Variants in SATB2 observed in about 807,000 individuals in gnomAD.
SATB2 encodes DNA-binding protein SATB2.
SATB2 carries 1 observed loss-of-function variant against 73.4 expected under a neutral mutation model. The observed-to-expected ratio is 0.01, with a 90% CI of 0.00 to 0.06. SATB2 has a LOEUF of 0.06. SATB2 is among the 10% of genes least tolerant of loss of function. The pLI, the probability that SATB2 is intolerant of heterozygous loss-of-function variation, is 1.00. For synonymous variants in SATB2, 397 were observed against 367.0 expected (o/e 1.08, Z -0.93); for missense variants, 459 against 945.8 (o/e 0.49, Z 6.75).
intron 6 of SATB2, among the ~76,000 whole-genome samples, chr2:199,358,608 C>T (rs1473510637): frequency 1.3e-5 from 2 of 152,150 alleles, no homozygotes; most frequent in African/African-American, 4.8e-5. Flanking sequence ...TCAGAGCCAA[C>T]TTGTTAACTC....
intron 6 of SATB2, among the ~76,000 whole-genome samples, chr2:199,353,356 C>T (rs1185721855): frequency 5.9e-5 from 9 of 151,844 alleles, no homozygotes; most frequent in African/African-American, 1.9e-4. Flanking sequence ...GGTTTCACCA[C>T]GTTGCCCAGG....
intron 10 of SATB2, among the ~76,000 whole-genome samples, chr2:199,282,033 C>T (rs541353944): frequency 2.0e-4 from 31 of 152,092 alleles, no homozygotes; most frequent in East Asian, 3.9e-4. Context: ...AGGTGCCCAC[C>T]GCCACACCCA....
chr2:199,316,105 T>C (rs1476918465), intron 9 of SATB2, among the ~76,000 whole-genome samples: 1 of 152,090 alleles, frequency 6.6e-6, no homozygotes, highest in African/African-American at 2.4e-5. Flanking sequence ...ACAGTTCGCT[T>C]TCTAAATGGA....
intron 8 of SATB2, among the ~76,000 whole-genome samples, chr2:199,326,477 A>G (rs1688031628): frequency 6.6e-6 from 1 of 152,096 alleles, no homozygotes; most frequent in African/African-American, 2.4e-5. Flanking sequence ...TCAGTCTGGC[A>G]CTGAAAGCTA....
At chr2:199,362,760 T>C (rs1689175783) in intron 6 of SATB2, among the ~76,000 whole-genome samples, 1 of 152,204 alleles carries the variant, frequency 6.6e-6, no homozygotes, top group Admixed American at 6.5e-5. Context: ...TATTATAAAG[T>C]AAGCATTTCA....
At chr2:199,420,557 G>A (rs1385276358) in intron 3 of SATB2, among the ~76,000 whole-genome samples, 2 of 152,104 alleles carry the variant, frequency 1.3e-5, no homozygotes, top group Admixed American at 6.5e-5. Flanking sequence ...CACCCCAAAT[G>A]TTTTAATCCC....
rs1307956489 is a variant in SATB2, at chr2:199,308,975, C to T, written c.1543-18G>A. The T allele has an allele frequency of 4.3e-6, 7 of 1,609,214 alleles. No homozygotes were observed. In the Admixed American group the frequency reaches 6.7e-5, roughly 15 times the overall value. The stretch of plus-strand genomic sequence containing the variant: ...AGCCAGCCCTGTAGAGAGAGGAGGT[C>T]GCTTGCATTAACCTGCAGAGTGTAG... On this transcript the variant is annotated intron_variant, in intron 9 of 10. Coordinates refer to ENST00000417098, the MANE Select transcript of SATB2 (RefSeq NM_001172509.2). The surrounding 1 kb of genome is among the most constrained non-coding windows in gnomAD (Gnocchi z 4.6).
At chr2:199,317,235 T>C (rs1687760473) in intron 9 of SATB2, among the ~76,000 whole-genome samples, 1 of 152,052 alleles carries the variant, frequency 6.6e-6, no homozygotes, top group South Asian at 2.1e-4. Context: ...CCCAGGCAGC[T>C]AGCTTGCCTT....
chr2:199,314,672 T>C (rs1240256972), intron 9 of SATB2, among the ~76,000 whole-genome samples: 3 of 152,106 alleles, frequency 2.0e-5, no homozygotes, highest in East Asian at 1.9e-4. Flanking sequence ...AGTGTCATCA[T>C]TGAGATTATG....
At position 199,277,173 on chromosome 2, in the gene SATB2, CACTGAGGTTT is replaced by C. The variant is rs548395726; in HGVS notation, c.1741-4511_1741-4502del. On this transcript the variant is annotated intron_variant, in intron 10 of 10. Coordinates refer to ENST00000417098, the MANE Select transcript of SATB2 (RefSeq NM_001172509.2). ...GACAGATCCCAGCATAATGGGTTTC[CACTGAGGTTT>C]ACTGAGTGGAAGCGGGTGGAAGATA... 1.1e-4 allele frequency among the ~76,000 whole-genome samples: 16 copies of C among 152,166 alleles called. No homozygotes were observed. The South Asian group carries it at 3.3e-3, about 32-fold the overall frequency.
chr2:199,395,668 T>G (rs1020163060), intron 3 of SATB2, among the ~76,000 whole-genome samples: 1 of 152,208 alleles, frequency 6.6e-6, no homozygotes, highest in Non-Finnish European at 1.5e-5. Flanking sequence ...ATCACATCTA[T>G]GTGACAGATA....
chr2:199,329,428 C>CAAAAAAA (rs5837677), intron 7 of SATB2: 1 of 126,048 alleles, frequency 7.9e-6, no homozygotes, highest in Non-Finnish European at 1.7e-5. Context: ...ATTTCTTATG[C>CAAAAAAA]AAAAAAAAAA....
chr2:199,412,458 G>A (rs901969622), intron 3 of SATB2, among the ~76,000 whole-genome samples: 7 of 152,178 alleles, frequency 4.6e-5, no homozygotes, highest in African/African-American at 1.7e-4. Flanking sequence ...CCCTTGGGCA[G>A]GGGAAGGAAC....
At chr2:199,338,151 G>A (rs1428331925) in intron 7 of SATB2, among the ~76,000 whole-genome samples, 1 of 151,810 alleles carries the variant, frequency 6.6e-6, no homozygotes, top group Admixed American at 6.6e-5. Context: ...ATCATTTGAG[G>A]TCAGGAGTTC....
intron 3 of SATB2, among the ~76,000 whole-genome samples, chr2:199,407,412 TAATTA>T (rs1299698425): frequency 6.6e-6 from 1 of 152,090 alleles, no homozygotes; most frequent in Non-Finnish European, 1.5e-5. Context: ...CTCATAATCT[TAATTA>T]AGACTAGGTA....
rs1325677658 is a variant in SATB2 at position 199,271,103 on chromosome 2, CAAAA to C, written c.*1104_*1107del. 1 of 152,496 alleles carries C rather than the reference CAAAA, an allele frequency of 6.6e-6. No homozygotes were observed. Among genetic ancestry groups the C allele is most frequent in the Non-Finnish European group, 1.5e-5 (1 of 67,970 alleles). The allele number at this position is 152,496 out of a possible 1,614,324, so 9.4% of individuals were successfully genotyped here. On this transcript the variant is annotated 3_prime_UTR_variant, in exon 11 of 11. Transcript: ENST00000417098. ...CACTGAACTATTTTCTAGTAAAAAA[CAAAA>C]AGACAAAAAAACAGCAACAACAAAC...
Position 199,428,350 on chromosome 2 carries a change from A to G in SATB2, c.346+4988T>C, listed in dbSNP as rs143062117. Among the ~76,000 whole-genome samples the G allele has an allele frequency of 1.6e-3, 244 of 152,366 alleles. 1 individual carries two copies. The Middle Eastern group carries it at 0.031, about 19-fold the overall frequency. On this transcript the variant is annotated intron_variant, in intron 3 of 10. Transcript: ENST00000417098. Reference sequence around the variant, plus strand: ...ATATTTCATCAAAGAAATGAAATATATAAACATCATTATCAAATATATATA... The same window carrying G: ...ATATTTCATCAAAGAAATGAAATATGTAAACATCATTATCAAATATATATA...
At chr2:199,409,173 T>C (rs992294066) in intron 3 of SATB2, among the ~76,000 whole-genome samples, 2 of 139,692 alleles carry the variant, frequency 1.4e-5, no homozygotes, top group African/African-American at 5.0e-5. Flanking sequence ...TTTTCTTTTT[T>C]TTTTTTTTTT....
At chr2:199,401,690 T>TG (rs1394559874) in intron 3 of SATB2, among the ~76,000 whole-genome samples, 13 of 151,768 alleles carry the variant, frequency 8.6e-5, no homozygotes, top group Admixed American at 8.5e-4. Context: ...GGCAGAAATA[T>TG]GGGGGAAAAA....
Sources: gnomAD v4.1 joint callset for allele counts (sites outside exome capture counted in the v4.1 genomes callset) on GRCh38, gnomAD v4.1.1 for gene constraint, Gnocchi (gnomAD v3.1) non-coding constraint, MANE v1.5 for transcripts, NCBI Gene and HGNC (gene_info 2026-07-23, HGNC 2026-07-21) for gene names.